EYS: variants seen among roughly 807,000 people sequenced by gnomAD.
EYS encodes protein eyes shut homolog.
A neutral mutation model predicts 282.1 loss-of-function variants in EYS; 250 were observed. The ratio of observed to expected loss-of-function variants is 0.89; its 90% CI spans 0.80 to 0.98. The LOEUF (loss-of-function observed/expected upper bound fraction) is 0.98. EYS is among the 50% of genes least tolerant of loss of function. The probability of loss-of-function intolerance (pLI) is 0.00; values close to 1 mark genes in which losing one functional copy is unlikely to be tolerated. For synonymous variants in EYS, 1,355 were observed against 1,282.9 expected (o/e 1.06, Z -1.20); for missense variants, 4,016 against 3,709.0 (o/e 1.08, Z -2.15).
intron 37 of EYS, among the ~76,000 whole-genome samples, chr6:63,791,828 G>A (rs1248295502): frequency 6.6e-6 from 1 of 151,998 alleles, no homozygotes; most frequent in African/African-American, 2.4e-5. Flanking sequence ...GAATATAGAG[G>A]TACATAAGGA....
intron 5 of EYS, among the ~76,000 whole-genome samples, chr6:65,452,043 A>C (rs9345632): frequency 0.18 from 27,995 of 151,520 alleles, 3,225 homozygotes; most frequent in Middle Eastern, 0.3. Flanking sequence ...AATATGCTTA[A>C]ATGCAACTAT....
chr6:65,179,014 G>A (rs1052027726), intron 12 of EYS, among the ~76,000 whole-genome samples: 70 of 152,022 alleles, frequency 4.6e-4, no homozygotes, highest in Non-Finnish European at 9.3e-4. Context: ...TGAAACCAAT[G>A]AGAACAAAGA....
intron 22 of EYS, among the ~76,000 whole-genome samples, chr6:64,773,598 G>A (rs1038761187): frequency 2.0e-5 from 3 of 151,894 alleles, no homozygotes; most frequent in Admixed American, 2.0e-4. Flanking sequence ...CACCAGCAGT[G>A]TATAAGCATT....
At chr6:63,865,547 G>A (rs961534300) in intron 35 of EYS, among the ~76,000 whole-genome samples, 3 of 151,300 alleles carry the variant, frequency 2.0e-5, no homozygotes, top group Non-Finnish European at 4.4e-5. Context: ...TCTTCTCAAT[G>A]CGACTGTTAG....
chr6:63,882,213 T>C (rs979631217), intron 35 of EYS, among the ~76,000 whole-genome samples: 1 of 152,236 alleles, frequency 6.6e-6, no homozygotes, highest in Non-Finnish European at 1.5e-5. Flanking sequence ...TTAGGAAACT[T>C]CAAGCTATGA....
chr6:64,776,610 A>G (rs1209084118), intron 22 of EYS, among the ~76,000 whole-genome samples: 1 of 152,010 alleles, frequency 6.6e-6, no homozygotes, highest in Non-Finnish European at 1.5e-5. Flanking sequence ...AAGGCTATCT[A>G]TATGTACTAT....
At chr6:65,258,415 A>G in intron 12 of EYS, among the ~76,000 whole-genome samples, 1 of 152,030 alleles carries the variant, frequency 6.6e-6, no homozygotes, top group South Asian at 2.1e-4. Flanking sequence ...GGGATACAGG[A>G]TTCCTGTGAA....
intron 30 of EYS, among the ~76,000 whole-genome samples, chr6:64,265,979 T>C (rs1271232259): frequency 6.6e-6 from 1 of 152,120 alleles, no homozygotes; most frequent in African/African-American, 2.4e-5. Context: ...AGAGTGGCAA[T>C]ACTTTTCAGA....
intron 12 of EYS, among the ~76,000 whole-genome samples, chr6:65,206,568 T>C (rs1766040851): frequency 6.6e-6 from 1 of 151,638 alleles, no homozygotes; most frequent in Admixed American, 6.6e-5. Context: ...AATCATGCAA[T>C]GACAACACCA....
chr6:64,285,049 T>G (rs1368932949), intron 30 of EYS, among the ~76,000 whole-genome samples: 8 of 152,232 alleles, frequency 5.3e-5, no homozygotes, highest in Admixed American at 4.6e-4. Context: ...TGCAAATACC[T>G]GCAGCCAGCT....
intron 1 of EYS, among the ~76,000 whole-genome samples, chr6:65,677,105 GAAAAAAAAAAA>G (rs58880200): frequency 5.6e-5 from 6 of 107,666 alleles, no homozygotes; most frequent in African/African-American, 1.3e-4. Flanking sequence ...AGTCATTGGT[GAAAAAAAAAAA>G]AAAAAAAAAA....
intron 2 of EYS, among the ~76,000 whole-genome samples, chr6:65,626,236 T>C (rs1766685208): frequency 6.6e-6 from 1 of 152,236 alleles, no homozygotes; most frequent in Non-Finnish European, 1.5e-5. Flanking sequence ...TATTTGGTTC[T>C]TGTATTTGTA....
intron 32 of EYS, among the ~76,000 whole-genome samples, chr6:64,074,793 T>A (rs2149862531): frequency 6.6e-6 from 1 of 152,024 alleles, no homozygotes; most frequent in East Asian, 1.9e-4. Flanking sequence ...ATACCTCACA[T>A]TTTTATGGTG....
chr6:64,747,816 A>G (rs556986725), intron 22 of EYS, among the ~76,000 whole-genome samples: 3 of 152,336 alleles, frequency 2.0e-5, no homozygotes, highest in Admixed American at 2.0e-4. Flanking sequence ...GGGTTTGTGC[A>G]CAGAATTAGA....
chr6:64,922,014 T>C (rs567217778), intron 15 of EYS, among the ~76,000 whole-genome samples: 12 of 152,288 alleles, frequency 7.9e-5, no homozygotes, highest in African/African-American at 2.6e-4. Flanking sequence ...GGGCCAATTT[T>C]CCATCAAAGA....
intron 8 of EYS, among the ~76,000 whole-genome samples, chr6:65,364,505 G>A (rs770569813): frequency 6.7e-6 from 1 of 148,154 alleles, no homozygotes; most frequent in Non-Finnish European, 1.5e-5. Context: ...TTAATTCATG[G>A]TCCTCATAAA....
At chr6:64,386,800 C>A (rs925462579) in intron 29 of EYS, among the ~76,000 whole-genome samples, 2 of 152,148 alleles carry the variant, frequency 1.3e-5, no homozygotes, top group African/African-American at 4.8e-5. Flanking sequence ...ACCCTTATTG[C>A]CAAAATACCT....
At chr6:64,852,238 C>T (rs115321177) in intron 19 of EYS, among the ~76,000 whole-genome samples, 4,000 of 152,208 alleles carry the variant, frequency 0.026, 90 homozygotes, top group Non-Finnish European at 0.037. Flanking sequence ...AGGAGATTAA[C>T]ATTTGGGTCA....
At chr6:65,615,388 A>C (rs920952252) in intron 2 of EYS, among the ~76,000 whole-genome samples, 1 of 45,302 alleles carries the variant, frequency 2.2e-5, no homozygotes, top group Non-Finnish European at 6.4e-5. Context: ...TTATTTATTT[A>C]TATATATATA....
Sources: gnomAD v4.1 joint callset for allele counts (sites outside exome capture counted in the v4.1 genomes callset) on GRCh38, gnomAD v4.1.1 for gene constraint, MANE v1.5 for transcripts, NCBI Gene and HGNC (gene_info 2026-07-23, HGNC 2026-07-21) for gene names.